The following ZNF385D variants were observed in gnomAD, a reference collection of about 807,000 sequenced individuals.
ZNF385D encodes the protein zinc finger protein 385D.
Under a neutral mutation model 35.8 loss-of-function variants are expected in ZNF385D, and 15 were observed. That is an observed-to-expected ratio of 0.42 (90% confidence interval 0.28 to 0.64). The LOEUF (loss-of-function observed/expected upper bound fraction) is 0.64, where lower values mean the gene tolerates loss of function less well. ZNF385D is among the 30% of genes least tolerant of loss of function. ZNF385D has a pLI of 0.23. For missense variants in ZNF385D, 474 were observed against 494.6 expected, an observed-to-expected ratio of 0.96 and a Z score of 0.39; for synonymous variants, 212 against 186.8, an observed-to-expected ratio of 1.13 and a Z score of -1.10.
chr3:21,548,170 G>C (rs950701803), intron 3 of ZNF385D, among the ~76,000 whole-genome samples: 5 of 152,100 alleles, frequency 3.3e-5, no homozygotes, highest in Non-Finnish European at 7.4e-5. Context: ...TACGCCATTT[G>C]GGAGCCTAAA....
intron 2 of ZNF385D, among the ~76,000 whole-genome samples, chr3:22,216,354 T>C (rs1026333971): frequency 3.9e-5 from 6 of 152,120 alleles, no homozygotes; most frequent in Admixed American, 1.3e-4. Flanking sequence ...ACTACCATTA[T>C]GGATAAATTG....
intron 3 of ZNF385D, among the ~76,000 whole-genome samples, chr3:21,990,917 C>T (rs558941535): frequency 7.9e-5 from 12 of 152,254 alleles, no homozygotes; most frequent in African/African-American, 1.2e-4. Flanking sequence ...GTTGATACAG[C>T]GGATCTATCT....
At chr3:21,819,836 A>G (rs934448830) in intron 3 of ZNF385D, among the ~76,000 whole-genome samples, 1 of 147,948 alleles carries the variant, frequency 6.8e-6, no homozygotes, top group African/African-American at 2.4e-5. Flanking sequence ...ATACAAATAT[A>G]ATACACATAT....
intron 3 of ZNF385D, among the ~76,000 whole-genome samples, chr3:21,555,173 G>C (rs999741330): frequency 6.6e-6 from 1 of 150,694 alleles, no homozygotes; most frequent in African/African-American, 2.4e-5. Context: ...ATGAAAAGAT[G>C]TGTGACTCTT....
chr3:22,131,501 A>G (rs1014953379), intron 3 of ZNF385D, among the ~76,000 whole-genome samples: 4 of 152,166 alleles, frequency 2.6e-5, no homozygotes, highest in African/African-American at 9.6e-5. Flanking sequence ...AGAATAGTGT[A>G]TTTTCATATT....
chr3:21,900,430 T>C (rs1699343524), intron 3 of ZNF385D, among the ~76,000 whole-genome samples: 1 of 152,172 alleles, frequency 6.6e-6, no homozygotes, highest in African/African-American at 2.4e-5. Context: ...ATAATGTTGT[T>C]ATTGATTACA....
At chr3:22,161,809 T>C (rs552499682) in intron 3 of ZNF385D, among the ~76,000 whole-genome samples, 1 of 152,302 alleles carries the variant, frequency 6.6e-6, no homozygotes, top group South Asian at 2.1e-4. Flanking sequence ...GATTTAAGAA[T>C]GACATAAACT....
intron 3 of ZNF385D, among the ~76,000 whole-genome samples, chr3:21,995,769 C>T (rs762399037): frequency 6.6e-6 from 1 of 151,946 alleles, no homozygotes; most frequent in Non-Finnish European, 1.5e-5. Context: ...CCAGAAGGCA[C>T]ATTCAGGGGC....
At chr3:21,675,024 T>G (rs2066682614) in intron 1 of ZNF385D, among the ~76,000 whole-genome samples, 1 of 152,056 alleles carries the variant, frequency 6.6e-6, no homozygotes, top group African/African-American at 2.4e-5. Context: ...GTACCCATTT[T>G]TTTATTGTGT....
intron 3 of ZNF385D, among the ~76,000 whole-genome samples, chr3:22,085,014 T>G (rs938686474): frequency 1.3e-5 from 2 of 152,162 alleles, no homozygotes; most frequent in Admixed American, 6.5e-5. Context: ...ATAAAGATGT[T>G]CTTTGAAACC....
chr3:22,204,350 C>G (rs1284965978), intron 2 of ZNF385D, among the ~76,000 whole-genome samples: 2 of 151,966 alleles, frequency 1.3e-5, no homozygotes, highest in Non-Finnish European at 2.9e-5. Context: ...TGATAAAAGA[C>G]AAGTTCCTCT....
chr3:21,694,213 T>C (rs1005463255), intron 1 of ZNF385D, among the ~76,000 whole-genome samples: 1 of 151,622 alleles, frequency 6.6e-6, no homozygotes, highest in South Asian at 2.1e-4. Context: ...CCGGCTAATT[T>C]TTTGTATTTT....
At chr3:21,828,388 A>ATATGTTTTAC (rs1403417441) in intron 3 of ZNF385D, among the ~76,000 whole-genome samples, 2 of 152,198 alleles carry the variant, frequency 1.3e-5, no homozygotes, top group African/African-American at 4.8e-5. Context: ...TATAATAAAT[A>ATATGTTTTAC]TATGTTTTAC....
At chr3:22,321,164 G>GTTTTTTTT in intron 2 of ZNF385D, among the ~76,000 whole-genome samples, 76 of 76,088 alleles carry the variant, frequency 1.0e-3, no homozygotes, top group Non-Finnish European at 1.4e-3. Context: ...TTATGACCTT[G>GTTTTTTTT]TTTTTTTTTT....
chr3:21,952,281 C>T (rs551878767), intron 3 of ZNF385D, among the ~76,000 whole-genome samples: 1 of 152,050 alleles, frequency 6.6e-6, no homozygotes, highest in East Asian at 1.9e-4. Context: ...TATTTCCATT[C>T]CCAAGATCTA....
intron 3 of ZNF385D, among the ~76,000 whole-genome samples, chr3:21,945,911 G>A (rs1174665954): frequency 1.3e-5 from 2 of 152,132 alleles, no homozygotes; most frequent in Non-Finnish European, 2.9e-5. Flanking sequence ...CTTACATTTT[G>A]AGTTATGCTT....
rs370361774 is a variant in ZNF385D at position 22,308,414 on chromosome 3, T to TAAG, written c.106+64033_106+64035dup. 9.7e-3 allele frequency among the ~76,000 whole-genome samples: 1,470 copies of TAAG among 152,128 alleles called. 22 individuals carry two copies. The highest frequency in any genetic ancestry group is 0.034 in the African/African-American group (1,412 of 41,530). ...ACCAATTTTTATAACAAAAACATTA[T>TAAG]AAGAACAATAAAACCTGCCTTTTTT... On this transcript the variant is annotated intron_variant, in intron 2 of 5. Coordinates refer to the ZNF385D transcript ENST00000494108.
chr3:21,635,664 C>T (rs999895467), intron 2 of ZNF385D, among the ~76,000 whole-genome samples: 2 of 152,008 alleles, frequency 1.3e-5, no homozygotes, highest in Non-Finnish European at 2.9e-5. Context: ...ATCACCTGAG[C>T]AGTATACACT....
chr3:22,136,936 A>G (rs1704163389), intron 3 of ZNF385D, among the ~76,000 whole-genome samples: 1 of 152,146 alleles, frequency 6.6e-6, no homozygotes, highest in South Asian at 2.1e-4. Flanking sequence ...GAATAGAGGG[A>G]TGATTAGATA....
Sources: gnomAD v4.1 joint callset for allele counts (sites outside exome capture counted in the v4.1 genomes callset) on GRCh38, gnomAD v4.1.1 for gene constraint, MANE v1.5 for transcripts, NCBI Gene and HGNC (gene_info 2026-07-23, HGNC 2026-07-21) for gene names.